Variants in STPG2 observed in about 807,000 individuals in gnomAD.
The protein encoded by STPG2 is sperm-tail PG-rich repeat-containing protein 2.
In STPG2, 56 loss-of-function variants were observed where a neutral mutation model predicts 54.2. That is an observed-to-expected ratio of 1.03 (90% CI 0.83 to 1.29). The LOEUF (loss-of-function observed/expected upper bound fraction) is 1.29. Among genes scored for constraint, STPG2 ranks in the 50% most tolerant of loss-of-function variants. STPG2 has a pLI of 0.00. For missense variants in STPG2, 596 were observed against 544.9 expected, an observed-to-expected ratio of 1.09 and a Z score of -0.93; for synonymous variants, 200 against 181.8, an observed-to-expected ratio of 1.10 and a Z score of -0.81.
At chr4:97,467,931 T>G (rs1009706302) in intron 4 of STPG2, among the ~76,000 whole-genome samples, 15 of 151,376 alleles carry the variant, frequency 9.9e-5, no homozygotes, top group African/African-American at 3.4e-4. Context: ...TGTGGCATAC[T>G]ACATAGACTG....
At chr4:97,861,000 C>G (rs1339327420) in intron 8 of STPG2, among the ~76,000 whole-genome samples, 2 of 152,066 alleles carry the variant, frequency 1.3e-5, no homozygotes, top group Non-Finnish European at 2.9e-5. Context: ...CAAATAGGAT[C>G]ACATCAAGTT....
chr4:98,106,192 G>A (rs1739184091), intron 4 of STPG2, 128 bp from the exon 5 acceptor site: 1 of 664,040 alleles, frequency 1.5e-6, no homozygotes, highest in South Asian at 2.7e-5. Flanking sequence ...GATTATCTAG[G>A]TATATTAGAC....
chr4:97,505,582 T>C (rs1453055934), intron 4 of STPG2, among the ~76,000 whole-genome samples: 1 of 152,036 alleles, frequency 6.6e-6, no homozygotes. Context: ...TTTGGACTGC[T>C]ATGCATTGAA....
intron 5 of STPG2, among the ~76,000 whole-genome samples, chr4:98,100,994 T>C (rs751039659): frequency 2.3e-4 from 35 of 152,214 alleles, no homozygotes; most frequent in Non-Finnish European, 1.2e-4. Flanking sequence ...CTGCTCTTAA[T>C]GTGCAGGAGA....
intron 10 of STPG2, among the ~76,000 whole-genome samples, chr4:97,602,824 A>C (rs190317209): frequency 6.6e-6 from 1 of 151,894 alleles, no homozygotes; most frequent in Admixed American, 6.6e-5. Context: ...AATTGAGAGA[A>C]GTTAAAGTGC....
intron 9 of STPG2, among the ~76,000 whole-genome samples, chr4:97,719,403 T>C (rs1724382185): frequency 6.6e-6 from 1 of 151,926 alleles, no homozygotes; most frequent in African/African-American, 2.4e-5. Context: ...TCATCCCAAT[T>C]AGTGTAAAAA....
intron 8 of STPG2, among the ~76,000 whole-genome samples, chr4:97,894,980 A>C (rs1011724935): frequency 1.3e-5 from 2 of 151,938 alleles, no homozygotes; most frequent in Admixed American, 1.3e-4. Context: ...ACCACTCTCT[A>C]AAGTTTTTAA....
intron 8 of STPG2, among the ~76,000 whole-genome samples, chr4:97,875,780 A>C (rs886612776): frequency 3.3e-5 from 5 of 152,026 alleles, no homozygotes; most frequent in Non-Finnish European, 7.4e-5. Context: ...TTGGGCTCTA[A>C]TATATAATTT....
At chr4:97,620,078 C>T (rs1234471965) in intron 10 of STPG2, among the ~76,000 whole-genome samples, 3 of 152,056 alleles carry the variant, frequency 2.0e-5, no homozygotes, top group South Asian at 2.1e-4. Flanking sequence ...CCTGCCTCGG[C>T]CTCCCAAAGT....
intron 10 of STPG2, among the ~76,000 whole-genome samples, chr4:97,648,138 C>G (rs1578452183): frequency 6.6e-6 from 1 of 152,234 alleles, no homozygotes; most frequent in East Asian, 1.9e-4. Context: ...GGCAAAGGCC[C>G]TGGAGTAAAG....
intron 9 of STPG2, among the ~76,000 whole-genome samples, chr4:97,747,149 T>A (rs1725442254): frequency 6.6e-6 from 1 of 151,348 alleles, no homozygotes; most frequent in Non-Finnish European, 1.5e-5. Context: ...CTAATCTCTA[T>A]AGTGGAGACA....
chr4:97,872,927 C>T (rs1299343849), intron 8 of STPG2, among the ~76,000 whole-genome samples: 3 of 150,978 alleles, frequency 2.0e-5, no homozygotes, highest in African/African-American at 7.3e-5. Context: ...TATTCCTGTC[C>T]CTGCGATGAA....
intron 9 of STPG2, among the ~76,000 whole-genome samples, chr4:97,807,395 C>T (rs1245182402): frequency 6.6e-6 from 1 of 151,916 alleles, no homozygotes; most frequent in Non-Finnish European, 1.5e-5. Flanking sequence ...TAAAAACAAT[C>T]CTTAAATCCC....
At chr4:97,805,434 C>T (rs953804577) in intron 9 of STPG2, among the ~76,000 whole-genome samples, 1 of 152,170 alleles carries the variant, frequency 6.6e-6, no homozygotes, top group Non-Finnish European at 1.5e-5. Context: ...TGGTCTCAAA[C>T]TTCTGACTCC....
chr4:97,476,082 T>A (rs1399199099), intron 4 of STPG2, among the ~76,000 whole-genome samples: 1 of 152,196 alleles, frequency 6.6e-6, no homozygotes, highest in Non-Finnish European at 1.5e-5. Context: ...TTTAGTAAAT[T>A]TGTTAAATCA....
chr4:97,945,726 T>G (rs543603797), intron 7 of STPG2, among the ~76,000 whole-genome samples: 20 of 151,288 alleles, frequency 1.3e-4, no homozygotes, highest in East Asian at 9.7e-4. Context: ...ATTGTTTTTT[T>G]GGGTTTGTTT....
intron 9 of STPG2, among the ~76,000 whole-genome samples, chr4:97,792,310 A>G (rs770951967): frequency 2.0e-5 from 3 of 152,172 alleles, no homozygotes; most frequent in Non-Finnish European, 4.4e-5. Context: ...TCTCTATCTC[A>G]GATAATGGCA....
chr4:97,619,509 T>G (rs1257231126), intron 10 of STPG2, among the ~76,000 whole-genome samples: 1 of 145,132 alleles, frequency 6.9e-6, no homozygotes, highest in Non-Finnish European at 1.5e-5. Flanking sequence ...GATAATATTT[T>G]GACATGATTC....
intron 4 of STPG2, among the ~76,000 whole-genome samples, chr4:97,493,600 A>G (rs896501849): frequency 6.6e-6 from 1 of 151,546 alleles, no homozygotes; most frequent in African/African-American, 2.4e-5. Context: ...TGTGGCCAGG[A>G]ATAACATGGA....
Sources: gnomAD v4.1 joint callset for allele counts (sites outside exome capture counted in the v4.1 genomes callset) on GRCh38, gnomAD v4.1.1 for gene constraint, MANE v1.5 for transcripts, NCBI Gene and HGNC (gene_info 2026-07-23, HGNC 2026-07-21) for gene names.